CLCN5: variants seen among roughly 807,000 people sequenced by gnomAD.
CLCN5 encodes Cl-/H+ antiporter 5.
Under a neutral mutation model 54.0 loss-of-function variants are expected in CLCN5, and 17 were observed. That is an observed-to-expected ratio of 0.31 (90% confidence interval 0.22 to 0.47). The LOEUF (loss-of-function observed/expected upper bound fraction) is 0.47, where lower values mean the gene tolerates loss of function less well. Among genes scored for constraint, CLCN5 ranks in the 20% least tolerant of loss-of-function variants. CLCN5 has a pLI of 1.00. For synonymous variants in CLCN5, 222 were observed against 233.0 expected, an observed-to-expected ratio of 0.95 and a Z score of 0.43; for missense variants, 448 against 646.7, an observed-to-expected ratio of 0.69 and a Z score of 3.33.
intron 3 of CLCN5, among the ~76,000 whole-genome samples, chrX:49,972,114 TGTGTGTGTG>T (rs1928248790): frequency 1.0e-4 from 1 of 9,866 alleles, no homozygotes; most frequent in African/African-American, 3.9e-4. Context: ...CATTCTCTGG[TGTGTGTGTG>T]TGTGTGTGTG....
chrX:50,085,605 G>A, intron 9 of CLCN5: 1 of 242,408 alleles, frequency 4.1e-6, no homozygotes, highest in South Asian at 5.4e-5. Context: ...GCATTCCTTT[G>A]CAAAGTTCCA....
At chrX:50,050,250 A>ATGTTT (rs1303709478) in intron 4 of CLCN5, 10 of 111,694 alleles carry the variant, frequency 9.0e-5, no homozygotes, top group East Asian at 2.8e-4. Flanking sequence ...TGGTAACACT[A>ATGTTT]TGTTTTGTTT....
intron 3 of CLCN5, among the ~76,000 whole-genome samples, chrX:50,027,676 A>G (rs1266116508): frequency 2.7e-5 from 3 of 110,134 alleles, no homozygotes; most frequent in Non-Finnish European, 5.7e-5. Context: ...TTGCTGTTAT[A>G]ATAATTCCAA....
chrX:49,989,399 C>CA (rs1929146870), intron 3 of CLCN5, among the ~76,000 whole-genome samples: 1 of 111,848 alleles, frequency 8.9e-6, no homozygotes, highest in Non-Finnish European at 1.9e-5. Context: ...GTCCTTCCCA[C>CA]AAAAAACGTA....
In CLCN5 at chrX:50,096,197, G is replaced by C. The variant is rs1418915019; in HGVS notation, c.*3978G>C. 1 of 111,592 alleles carries C rather than the reference G, an allele frequency of 9.0e-6. No homozygotes were observed. Among genetic ancestry groups the C allele is most frequent in the Non-Finnish European group, 1.9e-5 (1 of 53,129 alleles). 9.2% of individuals were successfully genotyped at this position (111,592 alleles called of 1,213,427 possible). On this transcript the variant is annotated 3_prime_UTR_variant, in exon 15 of 15. Coordinates refer to ENST00000376091, the MANE Select transcript of CLCN5 (RefSeq NM_001127898.4). ...AGAACATTGAGCTCTTAAAAACCCG[G>C]AGAAAAATTAGGAATTTAGAAAGTA...
intron 4 of CLCN5, among the ~76,000 whole-genome samples, chrX:50,042,752 G>A (rs1986758829): frequency 9.0e-6 from 1 of 111,258 alleles, no homozygotes; most frequent in Non-Finnish European, 1.9e-5. Flanking sequence ...CATGTACATG[G>A]AATCACATAG....
chrX:50,005,718 C>T (rs1930121024), intron 3 of CLCN5, among the ~76,000 whole-genome samples: 1 of 111,888 alleles, frequency 8.9e-6, no homozygotes, highest in Admixed American at 9.5e-5. Flanking sequence ...ATTGGTTCCT[C>T]AGTCCTTTTG....
chrX:49,943,819 T>C (rs1325022748), intron 3 of CLCN5, among the ~76,000 whole-genome samples: 33 of 111,660 alleles, frequency 3.0e-4, no homozygotes, highest in African/African-American at 1.1e-3. Context: ...TGTAGTATAG[T>C]TTGAAGTCAG....
chrX:50,041,020 A>G (rs781900041), intron 3 of CLCN5, among the ~76,000 whole-genome samples: 1 of 112,462 alleles, frequency 8.9e-6, no homozygotes, highest in East Asian at 2.8e-4. Flanking sequence ...TAGCATAGGA[A>G]TGTAGGAAAA....
chrX:49,973,551 A>G (rs1928340965), intron 3 of CLCN5, among the ~76,000 whole-genome samples: 2 of 103,773 alleles, frequency 1.9e-5, no homozygotes, highest in Non-Finnish European at 3.9e-5. Flanking sequence ...CTTTCTTAAC[A>G]GCTTTATTGA....
intron 3 of CLCN5, among the ~76,000 whole-genome samples, chrX:49,946,189 TA>T (rs1926731756): frequency 8.9e-6 from 1 of 112,721 alleles, no homozygotes; most frequent in Admixed American, 9.4e-5. Flanking sequence ...TCCAAGTAAT[TA>T]ATAAAACATT....
intron 6 of CLCN5, among the ~76,000 whole-genome samples, chrX:50,072,959 T>G (rs144988899): frequency 1.7e-3 from 184 of 109,969 alleles, no homozygotes; most frequent in African/African-American, 5.8e-3. Flanking sequence ...TCCTGAGACA[T>G]TTTGTGGGTG....
chrX:49,953,826 A>T (rs782064200), intron 3 of CLCN5, among the ~76,000 whole-genome samples: 134 of 112,212 alleles, frequency 1.2e-3, no homozygotes, highest in African/African-American at 4.0e-3. Flanking sequence ...TGATCAATGT[A>T]TACTATCCCC....
intron 3 of CLCN5, among the ~76,000 whole-genome samples, chrX:49,980,954 T>C (rs1928701919): frequency 8.9e-6 from 1 of 112,001 alleles, no homozygotes; most frequent in South Asian, 3.7e-4. Flanking sequence ...CTTCTATCTA[T>C]ATTGCTTTCC....
chrX:50,044,981 C>T (rs782591661), intron 4 of CLCN5, among the ~76,000 whole-genome samples: 1 of 111,014 alleles, frequency 9.0e-6, no homozygotes, highest in East Asian at 2.8e-4. Context: ...TTAGAGCTAG[C>T]TGGGGAGGGC....
At chrX:50,008,623 C>T (rs1930329908) in intron 3 of CLCN5, 3 of 275,392 alleles carry the variant, frequency 1.1e-5, no homozygotes, top group South Asian at 8.2e-5. Context: ...AATGAGCATA[C>T]AGTTGCTAAC....
At chrX:49,943,718 T>C (rs1339530091) in intron 3 of CLCN5, among the ~76,000 whole-genome samples, 2 of 111,697 alleles carry the variant, frequency 1.8e-5, no homozygotes, top group Admixed American at 1.9e-4. Flanking sequence ...GTTGTAGATA[T>C]GTGGCATTAT....
intron 3 of CLCN5, among the ~76,000 whole-genome samples, chrX:50,036,027 A>G (rs1931981789): frequency 8.9e-6 from 1 of 111,878 alleles, no homozygotes; most frequent in Non-Finnish European, 1.9e-5. Context: ...GTGGCCATCT[A>G]GAAGTTTAAT....
At chrX:50,074,705 T>C (rs1273362952) in intron 6 of CLCN5, among the ~76,000 whole-genome samples, 2 of 112,451 alleles carry the variant, frequency 1.8e-5, no homozygotes, top group Non-Finnish European at 3.8e-5. Flanking sequence ...CTTTTTAATG[T>C]ATTTCTTGTC....
Sources: gnomAD v4.1 joint callset for allele counts (sites outside exome capture counted in the v4.1 genomes callset) on GRCh38, gnomAD v4.1.1 for gene constraint, MANE v1.5 for transcripts, NCBI Gene and HGNC (gene_info 2026-07-23, HGNC 2026-07-21) for gene names.